Variants in CDK5RAP2 observed in about 807,000 individuals in gnomAD.
CDK5RAP2 encodes the protein CDK5 regulatory subunit associated protein 2, also known as CDK5 regulatory subunit-associated protein 2.
CDK5RAP2 carries 147 observed loss-of-function variants against 232.9 expected under a neutral mutation model. The observed-to-expected ratio is 0.63, with a 90% CI of 0.55 to 0.72. The LOEUF is 0.72. Among genes scored for constraint, CDK5RAP2 ranks in the 30% least tolerant of loss-of-function variants. CDK5RAP2 has a pLI of 0.00. For synonymous variants in CDK5RAP2, 833 were observed against 833.7 expected, an observed-to-expected ratio of 1.00 and a Z score of 0.01; for missense variants, 2,195 against 2,231.5, an observed-to-expected ratio of 0.98 and a Z score of 0.33.
intron 12 of CDK5RAP2, among the ~76,000 whole-genome samples, chr9:120,516,056 C>A (rs1314501360): frequency 6.6e-6 from 1 of 152,104 alleles, no homozygotes; most frequent in African/African-American, 2.4e-5. Flanking sequence ...GCTATAAAGA[C>A]ACATGCACAC....
chr9:120,573,704 T>C (rs2042935418), intron 1 of CDK5RAP2, among the ~76,000 whole-genome samples: 1 of 152,206 alleles, frequency 6.6e-6, no homozygotes, highest in South Asian at 2.1e-4. Context: ...GCTACAGATA[T>C]ATAACAAGAC....
At chr9:120,437,873 CA>C (rs1198693205) in intron 24 of CDK5RAP2, among the ~76,000 whole-genome samples, 2 of 151,944 alleles carry the variant, frequency 1.3e-5, no homozygotes, top group Non-Finnish European at 2.9e-5. Flanking sequence ...GAGGATCTAC[CA>C]AAAATTCTCA....
chr9:120,444,334 C>T (rs916975281), intron 22 of CDK5RAP2, among the ~76,000 whole-genome samples: 1 of 152,196 alleles, frequency 6.6e-6, no homozygotes, highest in Non-Finnish European at 1.5e-5. Flanking sequence ...GCTGAGTTAC[C>T]TTTGCCATAA....
intron 3 of CDK5RAP2, among the ~76,000 whole-genome samples, chr9:120,558,863 T>G (rs966857510): frequency 1.9e-4 from 29 of 152,244 alleles, no homozygotes; most frequent in Admixed American, 1.7e-3. Context: ...AATCTGTATA[T>G]GTTTCATCTC....
intron 18 of CDK5RAP2, among the ~76,000 whole-genome samples, chr9:120,465,192 G>A (rs879143593): frequency 1.3e-5 from 2 of 152,136 alleles, no homozygotes; most frequent in African/African-American, 4.8e-5. Context: ...TGTGCCACAT[G>A]CTTTCTTTAC....
At chr9:120,398,292 C>T (rs2032697411) in intron 35 of CDK5RAP2, among the ~76,000 whole-genome samples, 1 of 152,204 alleles carries the variant, frequency 6.6e-6, no homozygotes, top group East Asian at 1.9e-4. Context: ...TTTTTCCTTA[C>T]AGTAAAAAAT....
intron 7 of CDK5RAP2, among the ~76,000 whole-genome samples, chr9:120,533,797 T>TTAA (rs1554775540): frequency 1.9e-5 from 1 of 52,738 alleles, no homozygotes; most frequent in Non-Finnish European, 3.6e-5. Flanking sequence ...AGACTCCATC[T>TTAA]AAAAAAAAAA....
intron 7 of CDK5RAP2, 29 bp downstream of exon 7, chr9:120,536,343 T>C: frequency 6.2e-7 from 1 of 1,612,438 alleles, no homozygotes; most frequent in Non-Finnish European, 8.5e-7. Context: ...TAATGTGATG[T>C]CAGGGTATGA....
chr9:120,541,879 G>A (rs185056253), intron 5 of CDK5RAP2, among the ~76,000 whole-genome samples: 1 of 152,306 alleles, frequency 6.6e-6, no homozygotes, highest in Admixed American at 6.5e-5. Flanking sequence ...AACACACAAG[G>A]TGGGCAGCAA....
intron 25 of CDK5RAP2, among the ~76,000 whole-genome samples, chr9:120,428,589 A>G (rs1643914599): frequency 6.6e-6 from 1 of 152,250 alleles, no homozygotes; most frequent in Non-Finnish European, 1.5e-5. Context: ...GACCAATAAC[A>G]GGATCTGAAA....
rs2131881076 is a variant in CDK5RAP2 at position 120,524,732 on chromosome 9, T to C, written c.1092+254A>G. Among the ~76,000 whole-genome samples the C allele has an allele frequency of 2.0e-5, 3 of 152,226 alleles. No homozygotes were observed. In the South Asian group the frequency reaches 6.2e-4, roughly 32 times the overall value. On this transcript the variant is annotated intron_variant, in intron 11 of 37. Transcript: ENST00000349780. Reference sequence around the variant, plus strand: ...AATGAGATAATCCACATATCTTGCATTATTACTTAGCACAGAGCACACTCA... The same window carrying C: ...AATGAGATAATCCACATATCTTGCACTATTACTTAGCACAGAGCACACTCA...
intron 5 of CDK5RAP2, among the ~76,000 whole-genome samples, chr9:120,541,597 C>G (rs930469749): frequency 6.6e-6 from 1 of 152,156 alleles, no homozygotes; most frequent in Non-Finnish European, 1.5e-5. Context: ...CTTATTGTAA[C>G]TGATAAATAT....
At chr9:120,567,178 A>AG (rs2042678284) in intron 3 of CDK5RAP2, among the ~76,000 whole-genome samples, 1 of 152,232 alleles carries the variant, frequency 6.6e-6, no homozygotes, top group Non-Finnish European at 1.5e-5. Flanking sequence ...CATTCGTTTG[A>AG]GGCCCCAGAC....
chr9:120,439,527 C>G lies in CDK5RAP2; in HGVS notation c.3594G>C (p.Val1198=). 6.2e-7 allele frequency: 1 copy of G among 1,614,246 alleles called. No homozygotes were observed. Among genetic ancestry groups the G allele is most frequent in the Non-Finnish European group, 8.5e-7 (1 of 1,180,034 alleles). ...PLAPEMIDSR[V]LENLKQQLEE... is the part of the protein sequence containing the mutation. ...CCAGCTGCTGTTTGAGGTTCTCCAG[C>G]ACCCTGCTGTCAATCATCTCTGGGG... The change falls in exon 24 of 38, where the codon GTG becomes GTC. Residue 1198 remains valine (V), a synonymous_variant. Transcript: ENST00000349780.
intron 25 of CDK5RAP2, among the ~76,000 whole-genome samples, chr9:120,430,568 T>C (rs1185307721): frequency 1.3e-5 from 2 of 152,098 alleles, no homozygotes; most frequent in African/African-American, 2.4e-5. Flanking sequence ...TGAGATACCA[T>C]CTCACACCAG....
intron 3 of CDK5RAP2, among the ~76,000 whole-genome samples, chr9:120,552,744 A>C (rs1268878734): frequency 2.6e-5 from 4 of 151,272 alleles, no homozygotes; most frequent in Admixed American, 6.6e-5. Context: ...CCTAATGTTA[A>C]ATGATGAGTT....
chr9:120,555,274 G>C (rs2042185061), intron 3 of CDK5RAP2, among the ~76,000 whole-genome samples: 1 of 152,106 alleles, frequency 6.6e-6, no homozygotes, highest in African/African-American at 2.4e-5. Context: ...TGGGATTACA[G>C]GCACGCACTA....
intron 25 of CDK5RAP2, among the ~76,000 whole-genome samples, chr9:120,430,241 A>G (rs1037619065): frequency 2.0e-5 from 3 of 152,222 alleles, no homozygotes; most frequent in African/African-American, 7.2e-5. Flanking sequence ...CAATGGCAAC[A>G]AAAGCCAAAA....
intron 12 of CDK5RAP2, among the ~76,000 whole-genome samples, chr9:120,495,662 T>G (rs1237810482): frequency 3.7e-3 from 124 of 33,554 alleles, no homozygotes; most frequent in Admixed American, 5.8e-3. Flanking sequence ...TGGGGGGGGG[T>G]CAGCCCCCCG....
Sources: gnomAD v4.1 joint callset for allele counts (sites outside exome capture counted in the v4.1 genomes callset) on GRCh38, gnomAD v4.1.1 for gene constraint, MANE v1.5 for transcripts, NCBI Gene and HGNC (gene_info 2026-07-23, HGNC 2026-07-21) for gene names.